The following PRKN variants were observed in gnomAD, a reference collection of about 807,000 sequenced individuals.
PRKN encodes the protein parkin RBR E3 ubiquitin protein ligase, also known as E3 ubiquitin-protein ligase parkin.
In PRKN, 56 loss-of-function variants were observed where a neutral mutation model predicts 59.5. That is an observed-to-expected ratio of 0.94 (90% CI 0.76 to 1.18). PRKN has a LOEUF of 1.18. Ranked by LOEUF, PRKN falls within the 50% of genes most tolerant of loss-of-function variation. The pLI, the probability that PRKN is intolerant of heterozygous loss-of-function variation, is 0.00. For missense variants in PRKN, 657 were observed against 596.4 expected, an observed-to-expected ratio of 1.10 and a Z score of -1.06; for synonymous variants, 250 against 222.1, an observed-to-expected ratio of 1.13 and a Z score of -1.12.
At chr6:161,476,314 C>G (rs962020208) in intron 9 of PRKN, among the ~76,000 whole-genome samples, 1 of 152,122 alleles carries the variant, frequency 6.6e-6, no homozygotes, top group Non-Finnish European at 1.5e-5. Context: ...AAAATAATTA[C>G]ATCCTAAAAA....
chr6:161,978,016 G>GTATTTTATTTTATTT lies in PRKN; in HGVS notation c.619-4600_619-4599insAAATAAAATAAAATA, dbSNP rs141793186. On this transcript the variant is annotated intron_variant, in intron 5 of 11. Transcript: ENST00000366898. ...CAGGCTAATTTGCAGTTATTTTATTGTATTTTATTTTATTGTATTTTATTT... is the reference window on the plus strand; with the variant it reads ...CAGGCTAATTTGCAGTTATTTTATTGTATTTTATTTTATTTTATTTTATTTTATTGTATTTTATTT... Among the ~76,000 whole-genome samples, 552 of 148,572 alleles carry GTATTTTATTTTATTT rather than the reference G, an allele frequency of 3.7e-3. 6 individuals are homozygous for GTATTTTATTTTATTT. Among genetic ancestry groups the GTATTTTATTTTATTT allele is most frequent in the African/African-American group, 0.013 (520 of 38,746 alleles).
At chr6:162,292,258 C>T (rs1781467926) in intron 2 of PRKN, among the ~76,000 whole-genome samples, 2 of 152,130 alleles carry the variant, frequency 1.3e-5, no homozygotes, top group South Asian at 4.1e-4. Context: ...GCCACTGCGC[C>T]CGGCCTCTTC....
intron 2 of PRKN, among the ~76,000 whole-genome samples, chr6:162,280,284 C>G (rs759895271): frequency 2.6e-5 from 4 of 152,074 alleles, no homozygotes; most frequent in Non-Finnish European, 5.9e-5. Context: ...TGAATGACTA[C>G]TGGGTAAGTT....
intron 3 of PRKN, among the ~76,000 whole-genome samples, chr6:162,248,879 T>A (rs1779309586): frequency 6.6e-6 from 1 of 151,928 alleles, no homozygotes; most frequent in Admixed American, 6.6e-5. Flanking sequence ...TGCTTTTGTA[T>A]ATAATTTTTT....
Position 161,386,233 on chromosome 6 carries a change from A to T in PRKN, c.1167+561T>A, listed in dbSNP as rs1427295192. ...TTGGTTGATCCTAATTAATAAATAA[A>T]ATAAAATGCATTTGCACTTTCCTAA... On this transcript the variant is annotated intron_variant, in intron 10 of 11. Coordinates refer to ENST00000366898, the MANE Select transcript of PRKN (RefSeq NM_004562.3). The surrounding 1 kb of genome is among the most constrained non-coding windows in gnomAD (Gnocchi z 4.3). Among the ~76,000 whole-genome samples, 2 of 152,342 alleles carry T rather than the reference A, an allele frequency of 1.3e-5. No individual in the cohort carries two copies. The highest frequency in any genetic ancestry group is 2.9e-5 in the Non-Finnish European group (2 of 68,036).
intron 1 of PRKN, among the ~76,000 whole-genome samples, chr6:162,501,780 G>T (rs1390354661): frequency 6.6e-6 from 1 of 152,078 alleles, no homozygotes; most frequent in Non-Finnish European, 1.5e-5. Flanking sequence ...TAATAGAATT[G>T]CTGGGGCACT....
chr6:161,830,454 G>A lies in PRKN; in HGVS notation c.735-44546C>T, dbSNP rs956158187. 2.2e-4 allele frequency among the ~76,000 whole-genome samples: 33 copies of A among 152,012 alleles called. 1 individual carries two copies. Among genetic ancestry groups the A allele is most frequent in the Admixed American group, 8.5e-4 (13 of 15,256 alleles). ...TTTTTAGTAGAGACAGTGTTTCACCGTGTTAGCCAGGATGGTCTCGATCTC... is the reference window on the plus strand; with the variant it reads ...TTTTTAGTAGAGACAGTGTTTCACCATGTTAGCCAGGATGGTCTCGATCTC... On this transcript the variant is annotated intron_variant, in intron 6 of 11. Coordinates refer to ENST00000366898, the MANE Select transcript of PRKN (RefSeq NM_004562.3).
chr6:162,081,712 C>G (rs929813423), intron 4 of PRKN, among the ~76,000 whole-genome samples: 1 of 152,032 alleles, frequency 6.6e-6, no homozygotes, highest in Non-Finnish European at 1.5e-5. Context: ...ACTGCATTAC[C>G]CCTAACAAGA....
At chr6:161,537,513 G>A (rs990546371) in intron 9 of PRKN, among the ~76,000 whole-genome samples, 13 of 151,066 alleles carry the variant, frequency 8.6e-5, no homozygotes, top group Non-Finnish European at 1.6e-4. Flanking sequence ...GTTTAGTGGC[G>A]TGATCTCGGC....
At chr6:162,063,503 G>A (rs1319229873) in intron 4 of PRKN, among the ~76,000 whole-genome samples, 1 of 151,872 alleles carries the variant, frequency 6.6e-6, no homozygotes, top group Non-Finnish European at 1.5e-5. Context: ...ATATATCATT[G>A]GTGGAAATAT....
At chr6:161,718,208 G>A (rs1487030082) in intron 7 of PRKN, among the ~76,000 whole-genome samples, 1 of 152,154 alleles carries the variant, frequency 6.6e-6, no homozygotes, top group Non-Finnish European at 1.5e-5. Flanking sequence ...GCCAGGCAAA[G>A]TGTTGTGTAC....
At chr6:162,353,841 A>G (rs905150351) in intron 2 of PRKN, among the ~76,000 whole-genome samples, 1 of 152,140 alleles carries the variant, frequency 6.6e-6, no homozygotes, top group Admixed American at 6.6e-5. Context: ...ATGTGTCTGT[A>G]GTGTCAGTAT....
intron 4 of PRKN, among the ~76,000 whole-genome samples, chr6:162,130,350 A>G (rs1421475632): frequency 6.6e-6 from 1 of 152,132 alleles, no homozygotes; most frequent in Non-Finnish European, 1.5e-5. Context: ...CTCAGTGATA[A>G]CCCAATAAAA....
At chr6:162,100,564 C>G (rs1253316201) in intron 4 of PRKN, among the ~76,000 whole-genome samples, 1 of 151,100 alleles carries the variant, frequency 6.6e-6, no homozygotes, top group Non-Finnish European at 1.5e-5. Flanking sequence ...GCCTGAGCCT[C>G]CTGAGTAGCT....
At chr6:161,844,523 T>A (rs552826309) in intron 6 of PRKN, among the ~76,000 whole-genome samples, 1 of 152,350 alleles carries the variant, frequency 6.6e-6, no homozygotes, top group South Asian at 2.1e-4. Flanking sequence ...TCTGTCCATA[T>A]CCTGGCTACT....
intron 4 of PRKN, among the ~76,000 whole-genome samples, chr6:162,065,896 G>GAAC (rs1348643274): frequency 2.0e-5 from 3 of 152,304 alleles, no homozygotes; most frequent in Non-Finnish European, 4.4e-5. Flanking sequence ...CAAAGGACAT[G>GAAC]AACACATCCT....
At chr6:161,897,930 G>A (rs887580662) in intron 6 of PRKN, among the ~76,000 whole-genome samples, 20 of 115,828 alleles carry the variant, frequency 1.7e-4, no homozygotes, top group Non-Finnish European at 3.1e-4. Context: ...TCGCGCCACT[G>A]CACTCCAGCC....
intron 2 of PRKN, among the ~76,000 whole-genome samples, chr6:162,364,691 G>A (rs1178311752): frequency 6.6e-6 from 1 of 152,132 alleles, no homozygotes; most frequent in Non-Finnish European, 1.5e-5. Context: ...CCTCTCATGT[G>A]TTCTGAAATT....
chr6:161,517,765 A>AAAAAAAAAAT (rs1562499845), intron 9 of PRKN, among the ~76,000 whole-genome samples: 1 of 143,706 alleles, frequency 7.0e-6, no homozygotes, highest in Non-Finnish European at 1.5e-5. Context: ...AAAAAAAAAA[A>AAAAAAAAAAT]GAGTTGAGGT....
Sources: allele counts gnomAD v4.1 joint callset (sites outside exome capture counted in the v4.1 genomes callset), GRCh38; gene constraint gnomAD v4.1.1; non-coding constraint Gnocchi (gnomAD v3.1); transcripts MANE v1.5; gene names NCBI Gene and HGNC (gene_info 2026-07-23, HGNC 2026-07-21).